LMO7: variants seen among roughly 807,000 people sequenced by gnomAD.
The protein encoded by LMO7 is LIM domain 7, also known as LIM domain only protein 7.
In LMO7, 120 loss-of-function variants were observed where a neutral mutation model predicts 206.5. The ratio of observed to expected loss-of-function variants is 0.58; its 90% CI spans 0.50 to 0.68. The LOEUF (loss-of-function observed/expected upper bound fraction) is 0.68, where lower values mean the gene tolerates loss of function less well. LMO7 is among the 30% of genes least tolerant of loss of function. LMO7 has a pLI of 0.00. For missense variants in LMO7, 1,959 were observed against 1,957.9 expected (o/e 1.00, Z -0.01); for synonymous variants, 706 against 681.5 (o/e 1.04, Z -0.56).
chr13:75,760,578 A>G, intron 3 of LMO7: 3 of 1,355,732 alleles, frequency 2.2e-6, no homozygotes, highest in Middle Eastern at 2.7e-4. Context: ...TGCCGTGCAA[A>G]GCTGGAAAGA....
intron 19 of LMO7, among the ~76,000 whole-genome samples, chr13:75,837,682 C>A (rs1436290840): frequency 2.6e-5 from 4 of 151,922 alleles, no homozygotes; most frequent in Non-Finnish European, 2.9e-5. Flanking sequence ...TTTGATCTTT[C>A]TTTGGGTATC....
chr13:75,634,192 CTT>C (rs1290026352), upstream of LMO7, among the ~76,000 whole-genome samples: 1 of 151,918 alleles, frequency 6.6e-6, no homozygotes, highest in African/African-American at 2.4e-5. Context: ...AGGCTCAGCA[CTT>C]TGGGAGGCCA....
intron 3 of LMO7, 86 bp downstream of exon 3, chr13:75,727,184 T>C (rs758335706): frequency 7.8e-6 from 6 of 768,268 alleles, no homozygotes; most frequent in Non-Finnish European, 1.3e-5. Flanking sequence ...GTATCTGCAA[T>C]TACCACTGAA....
chr13:75,748,008 G>A (rs1009784342), intron 3 of LMO7, among the ~76,000 whole-genome samples: 2 of 152,170 alleles, frequency 1.3e-5, no homozygotes, highest in Non-Finnish European at 2.9e-5. Context: ...CCTATATCTT[G>A]TAGTCATCAA....
At chr13:75,716,722 A>G (rs777348242) in intron 2 of LMO7, among the ~76,000 whole-genome samples, 3 of 152,096 alleles carry the variant, frequency 2.0e-5, no homozygotes, top group Non-Finnish European at 4.4e-5. Context: ...AAAAAATATA[A>G]AAGATGTATC....
upstream of LMO7, among the ~76,000 whole-genome samples, chr13:75,633,841 C>CTTTTT (rs60769000): frequency 2.6e-4 from 17 of 64,704 alleles, no homozygotes; most frequent in South Asian, 6.5e-4. Flanking sequence ...GTGTCTTTTC[C>CTTTTT]TTTTTTTTTT....
At chr13:75,734,243 G>T (rs1375976639) in intron 3 of LMO7, among the ~76,000 whole-genome samples, 1 of 152,108 alleles carries the variant, frequency 6.6e-6, no homozygotes, top group South Asian at 2.1e-4. Context: ...CTACTCAGAC[G>T]GGGTAAGACA....
In LMO7 at chr13:75,696,746, G is replaced by C. The variant is rs1268686654; in HGVS notation, c.70-16436G>C. ...ACAGGTGAGTCCTGTCCACAGGGCA[G>C]GCGTTATGCTGGGTCTTGAGGATAC... On this transcript the variant is annotated intron_variant, in intron 1 of 30. Transcript: ENST00000377534. 3.9e-5 allele frequency among the ~76,000 whole-genome samples: 6 copies of C among 152,086 alleles called. No homozygotes were observed. The East Asian group carries it at 1.2e-3, about 29-fold the overall frequency.
chr13:75,733,440 A>G (rs937622010), intron 3 of LMO7, among the ~76,000 whole-genome samples: 4 of 152,150 alleles, frequency 2.6e-5, no homozygotes, highest in African/African-American at 7.2e-5. Context: ...CAGGTGTGGG[A>G]TATAATCTCC....
At chr13:75,653,932 T>TCATTG (rs1257464622) in intron 1 of LMO7, among the ~76,000 whole-genome samples, 7 of 152,224 alleles carry the variant, frequency 4.6e-5, no homozygotes, top group Admixed American at 2.0e-4. Flanking sequence ...ATGTATAATT[T>TCATTG]CATTGTGTGC....
intron 10 of LMO7, among the ~76,000 whole-genome samples, chr13:75,808,761 T>C (rs1388216958): frequency 6.6e-6 from 1 of 152,208 alleles, no homozygotes; most frequent in East Asian, 1.9e-4. Context: ...TTTATGTGTA[T>C]GTAATCATGG....
rs145066951 is a variant in LMO7 at position 75,651,435 on chromosome 13, G to A, written c.69+14709G>A. On this transcript the variant is annotated intron_variant, in intron 1 of 30. Coordinates refer to ENST00000377534, the MANE Select transcript of LMO7 (RefSeq NM_001306080.2). Reference sequence around the variant, plus strand: ...AGTGATTCTCCTGCCTCAGCCTCCCGAGTGGCTGGGACTACAGGCACGTGC... The same window carrying A: ...AGTGATTCTCCTGCCTCAGCCTCCCAAGTGGCTGGGACTACAGGCACGTGC... 3.0e-3 allele frequency among the ~76,000 whole-genome samples: 448 copies of A among 151,036 alleles called. 3 individuals are homozygous for A. Among genetic ancestry groups the A allele is most frequent in the African/African-American group, 0.01 (432 of 41,184 alleles).
chr13:75,725,715 G>A (rs765206919), intron 2 of LMO7, among the ~76,000 whole-genome samples: 18 of 152,032 alleles, frequency 1.2e-4, no homozygotes, highest in Admixed American at 6.6e-5. Context: ...TGGAATAATT[G>A]TTCTAGGAAA....
intron 2 of LMO7, among the ~76,000 whole-genome samples, chr13:75,716,716 A>G (rs2043560763): frequency 6.6e-6 from 1 of 152,116 alleles, no homozygotes; most frequent in Non-Finnish European, 1.5e-5. Context: ...ATATTTAAAA[A>G]ATATAAAAGA....
chr13:75,725,225 G>A (rs944729123), intron 2 of LMO7, among the ~76,000 whole-genome samples: 3 of 152,030 alleles, frequency 2.0e-5, no homozygotes, highest in Admixed American at 1.3e-4. Flanking sequence ...TTAACTGAAT[G>A]ACCTGGCCAA....
At chr13:75,787,097 T>C (rs2052557548) in intron 4 of LMO7, among the ~76,000 whole-genome samples, 1 of 152,212 alleles carries the variant, frequency 6.6e-6, no homozygotes, top group Non-Finnish European at 1.5e-5. Flanking sequence ...ATCTACTCTC[T>C]CCCTCAACAC....
intron 1 of LMO7, among the ~76,000 whole-genome samples, chr13:75,658,487 A>T (rs925132120): frequency 2.6e-5 from 4 of 152,252 alleles, no homozygotes; most frequent in Admixed American, 2.0e-4. Context: ...AATATATTTT[A>T]AAAAATTATG....
chr13:75,679,265 C>T (rs914900363), intron 1 of LMO7, among the ~76,000 whole-genome samples: 1 of 152,166 alleles, frequency 6.6e-6, no homozygotes, highest in Admixed American at 6.5e-5. Flanking sequence ...TATCACAGTG[C>T]TTTGCAAGGT....
At chr13:75,695,170 C>T (rs2041809420) in intron 1 of LMO7, among the ~76,000 whole-genome samples, 1 of 152,200 alleles carries the variant, frequency 6.6e-6, no homozygotes, top group South Asian at 2.1e-4. Flanking sequence ...CATGTATAAC[C>T]TATACTCATA....
Sources: gnomAD v4.1 joint callset for allele counts (sites outside exome capture counted in the v4.1 genomes callset) on GRCh38, gnomAD v4.1.1 for gene constraint, MANE v1.5 for transcripts, NCBI Gene and HGNC (gene_info 2026-07-23, HGNC 2026-07-21) for gene names.